Variants in CSMD1 observed in about 807,000 individuals in gnomAD.
CSMD1 encodes the protein CUB and Sushi multiple domains 1, also known as CUB and sushi domain-containing protein 1.
CSMD1 carries 213 observed loss-of-function variants against 417.5 expected under a neutral mutation model. The ratio of observed to expected loss-of-function variants is 0.51; its 90% CI spans 0.46 to 0.57. The LOEUF is 0.57. Ranked by LOEUF, CSMD1 falls within the 20% of genes least tolerant of loss-of-function variation. CSMD1 has a pLI of 0.00. For missense variants in CSMD1, 6,923 were observed against 4,529.7 expected (o/e 1.53, Z -15.17); for synonymous variants, 2,862 against 1,736.8 (o/e 1.65, Z -16.11).
chr8:3,658,130 C>A (rs1798223186), intron 7 of CSMD1, among the ~76,000 whole-genome samples: 1 of 152,066 alleles, frequency 6.6e-6, no homozygotes, highest in South Asian at 2.1e-4. Context: ...AAAACCAACT[C>A]AAAAACTTCA....
intron 2 of CSMD1, among the ~76,000 whole-genome samples, chr8:4,447,257 G>A (rs1041047336): frequency 6.6e-6 from 1 of 152,142 alleles, no homozygotes; most frequent in Non-Finnish European, 1.5e-5. Context: ...GTTATAGCAG[G>A]TTAGATACAA....
intron 5 of CSMD1, among the ~76,000 whole-genome samples, chr8:3,893,810 C>G (rs1807160629): frequency 1.3e-5 from 2 of 152,122 alleles, no homozygotes; most frequent in South Asian, 2.1e-4. Flanking sequence ...AGCATGCACA[C>G]TTTGATTTTA....
chr8:4,679,223 A>G (rs1317142746), intron 1 of CSMD1, among the ~76,000 whole-genome samples: 1 of 152,176 alleles, frequency 6.6e-6, no homozygotes, highest in Non-Finnish European at 1.5e-5. Flanking sequence ...CCCTGGACAC[A>G]TGGCACTGTT....
At chr8:4,134,640 C>G (rs1371132758) in intron 3 of CSMD1, among the ~76,000 whole-genome samples, 1 of 152,158 alleles carries the variant, frequency 6.6e-6, no homozygotes, top group African/African-American at 2.4e-5. Context: ...CTGATTCTAC[C>G]TTTAAAATAT....
chr8:4,344,070 T>C (rs1053455310), intron 3 of CSMD1, among the ~76,000 whole-genome samples: 1 of 152,190 alleles, frequency 6.6e-6, no homozygotes, highest in African/African-American at 2.4e-5. Flanking sequence ...CGCACACACA[T>C]ACTCTGGCTT....
chr8:4,221,662 C>T (rs1163596396), intron 3 of CSMD1, among the ~76,000 whole-genome samples: 2 of 152,142 alleles, frequency 1.3e-5, no homozygotes, highest in South Asian at 2.1e-4. Flanking sequence ...CCCTACTTGA[C>T]AGGAGAGGCA....
intron 5 of CSMD1, among the ~76,000 whole-genome samples, chr8:3,953,558 T>G (rs1811726697): frequency 6.6e-6 from 1 of 152,072 alleles, no homozygotes; most frequent in Non-Finnish European, 1.5e-5. Context: ...CTTCAGGACT[T>G]CCCTGGGATA....
chr8:4,264,769 C>A (rs553310281), intron 3 of CSMD1, among the ~76,000 whole-genome samples: 1 of 152,120 alleles, frequency 6.6e-6, no homozygotes, highest in Non-Finnish European at 1.5e-5. Flanking sequence ...CGTTCTTTGG[C>A]CATTTTTGCG....
At chr8:4,448,345 G>A (rs937118601) in intron 2 of CSMD1, among the ~76,000 whole-genome samples, 1 of 152,148 alleles carries the variant, frequency 6.6e-6, no homozygotes, top group African/African-American at 2.4e-5. Flanking sequence ...AAAGCCTTCT[G>A]CACTAACTCA....
At chr8:3,852,271 G>C (rs62482675) in intron 5 of CSMD1, among the ~76,000 whole-genome samples, 18,572 of 152,142 alleles carry the variant, frequency 0.12, 1,165 homozygotes, top group South Asian at 0.14. Flanking sequence ...CCTGTAGGCA[G>C]TGGATGCAGC....
chr8:3,380,952 AAAG>A (rs1173078080), intron 18 of CSMD1, among the ~76,000 whole-genome samples: 1 of 152,178 alleles, frequency 6.6e-6, no homozygotes, highest in Non-Finnish European at 1.5e-5. Flanking sequence ...ACCAATGCTC[AAAG>A]AAGAATTTGG....
intron 1 of CSMD1, among the ~76,000 whole-genome samples, chr8:4,877,470 T>G (rs1046229670): frequency 6.6e-6 from 1 of 152,110 alleles, no homozygotes; most frequent in African/African-American, 2.4e-5. Flanking sequence ...AAAGTCATAT[T>G]TGCTATTTCA....
chr8:4,322,970 G>T (rs1319061563), intron 3 of CSMD1, among the ~76,000 whole-genome samples: 2 of 152,190 alleles, frequency 1.3e-5, no homozygotes, highest in Non-Finnish European at 2.9e-5. Flanking sequence ...GGGTGACAGA[G>T]CGAGACTCCG....
chr8:4,785,168 G>A (rs1797337258), intron 1 of CSMD1, among the ~76,000 whole-genome samples: 1 of 152,182 alleles, frequency 6.6e-6, no homozygotes, highest in Non-Finnish European at 1.5e-5. Flanking sequence ...TAGCTTTGCT[G>A]AATATGACTC....
At chr8:4,641,321 A>T (rs1803175737) in intron 1 of CSMD1, among the ~76,000 whole-genome samples, 1 of 152,074 alleles carries the variant, frequency 6.6e-6, no homozygotes, top group Admixed American at 6.5e-5. Context: ...CTCCTATCTA[A>T]AGTAATCAGC....
intron 3 of CSMD1, among the ~76,000 whole-genome samples, chr8:4,331,361 C>T (rs1215980304): frequency 6.6e-6 from 1 of 152,102 alleles, no homozygotes; most frequent in Non-Finnish European, 1.5e-5. Flanking sequence ...CTCAAAGCTT[C>T]CTGTCACGTG....
intron 2 of CSMD1, among the ~76,000 whole-genome samples, chr8:4,435,223 G>T (rs550166954): frequency 3.3e-5 from 5 of 152,028 alleles, no homozygotes; most frequent in Non-Finnish European, 7.4e-5. Context: ...CTGATCTTTG[G>T]AAAATTAAAC....
intron 2 of CSMD1, among the ~76,000 whole-genome samples, chr8:4,444,674 G>A (rs1182157414): frequency 6.6e-6 from 1 of 152,172 alleles, no homozygotes; most frequent in African/African-American, 2.4e-5. Context: ...GTGATGACAT[G>A]TTGAAAACAT....
chr8:4,138,808 A>G (rs12676159), intron 3 of CSMD1, among the ~76,000 whole-genome samples: 19,137 of 152,126 alleles, frequency 0.13, 1,851 homozygotes, highest in East Asian at 0.26. Context: ...ATTTAATGGT[A>G]TTTTTTTGCC....
Sources: allele counts gnomAD v4.1 joint callset (sites outside exome capture counted in the v4.1 genomes callset), GRCh38; gene constraint gnomAD v4.1.1; transcripts MANE v1.5; gene names NCBI Gene and HGNC (gene_info 2026-07-23, HGNC 2026-07-21).